AKAP13: variants seen among roughly 807,000 people sequenced by gnomAD.
AKAP13 encodes A-kinase anchor protein 13.
In AKAP13, 80 loss-of-function variants were observed where a neutral mutation model predicts 264.5. The ratio of observed to expected loss-of-function variants is 0.30; its 90% confidence interval spans 0.25 to 0.36. The LOEUF is 0.36. Ranked by LOEUF, AKAP13 falls within the 10% of genes least tolerant of loss-of-function variation. The probability of loss-of-function intolerance (pLI) is 1.00; values close to 1 mark genes in which losing one functional copy is unlikely to be tolerated. For missense variants in AKAP13, 3,712 were observed against 3,435.2 expected (o/e 1.08, Z -2.01); for synonymous variants, 1,380 against 1,250.2 (o/e 1.10, Z -2.19).
At chr15:85,458,386 G>GTTTTTTTTTTTTTTTTTTTTTTTTT (rs1160050565) in intron 1 of AKAP13, among the ~76,000 whole-genome samples, 3 of 103,930 alleles carry the variant, frequency 2.9e-5, no homozygotes, top group African/African-American at 1.5e-4. Flanking sequence ...TGTATTTTTT[G>GTTTTTTTTTTTTTTTTTTTTTTTTT]TTTTTTGTTT....
chr15:85,668,869 G>C (rs780398230), intron 13 of AKAP13, among the ~76,000 whole-genome samples: 22 of 151,022 alleles, frequency 1.5e-4, no homozygotes, highest in Non-Finnish European at 2.7e-4. Context: ...CTTGAACCTG[G>C]GAGGCAGAGG....
chr15:85,448,490 T>C (rs1438408202), intron 1 of AKAP13, among the ~76,000 whole-genome samples: 1 of 152,212 alleles, frequency 6.6e-6, no homozygotes, highest in Non-Finnish European at 1.5e-5. Flanking sequence ...AGGGTTTTTA[T>C]AGATTTGGGT....
intron 5 of AKAP13, among the ~76,000 whole-genome samples, chr15:85,546,636 G>C (rs1034110051): frequency 5.9e-5 from 9 of 152,120 alleles, no homozygotes; most frequent in African/African-American, 2.4e-5. Context: ...AAATTATAAA[G>C]GTTTATGCAC....
Position 85,580,850 on chromosome 15 carries a change from A to G in AKAP13, c.2782A>G (p.Lys928Glu). The G allele has an allele frequency of 6.2e-7, 1 of 1,614,154 alleles. No homozygotes were observed. The change falls in exon 7 of 37, where the codon AAG becomes GAG. Residue 928 changes from lysine (K) to glutamate (E), a missense_variant. Coordinates refer to ENST00000394518, the MANE Select transcript of AKAP13 (RefSeq NM_007200.5). ...AAGCTCTGCAGCTCAGGAACAAGAT[A>G]AGGATAAAGCGGTGACCTGTTCCTC... ...SESSAAQEQD[K>E]DKAVTCSSIK...
intron 2 of AKAP13, among the ~76,000 whole-genome samples, chr15:85,496,262 G>C (rs1284583671): frequency 6.6e-6 from 1 of 152,122 alleles, no homozygotes; most frequent in Non-Finnish European, 1.5e-5. Flanking sequence ...CTTGCATTTA[G>C]ATCTCGAGAA....
At chr15:85,532,259 G>C (rs958752546) in intron 3 of AKAP13, among the ~76,000 whole-genome samples, 1 of 152,216 alleles carries the variant, frequency 6.6e-6, no homozygotes, top group Non-Finnish European at 1.5e-5. Flanking sequence ...AAAGCATGTG[G>C]AAAATTAACT....
At chr15:85,421,697 C>G (rs1432684128) in intron 1 of AKAP13, among the ~76,000 whole-genome samples, 2 of 152,256 alleles carry the variant, frequency 1.3e-5, no homozygotes, top group Non-Finnish European at 2.9e-5. Context: ...AGCAAAGGCC[C>G]TTCCTCCTCT....
intron 1 of AKAP13, among the ~76,000 whole-genome samples, chr15:85,453,665 G>T (rs1196896601): frequency 6.6e-6 from 1 of 150,918 alleles, no homozygotes; most frequent in East Asian, 2.0e-4. Flanking sequence ...TGTGCTGGGG[G>T]TCCACTTCAG....
At chr15:85,442,365 G>C (rs1274934790) in intron 1 of AKAP13, among the ~76,000 whole-genome samples, 1 of 142,362 alleles carries the variant, frequency 7.0e-6, no homozygotes, top group East Asian at 2.0e-4. Flanking sequence ...AGCCGAGATC[G>C]TGCCACTGCA....
At chr15:85,411,780 G>A (rs1057168075) in intron 1 of AKAP13, among the ~76,000 whole-genome samples, 4 of 152,168 alleles carry the variant, frequency 2.6e-5, no homozygotes, top group African/African-American at 9.7e-5. Flanking sequence ...TATTTGAAGG[G>A]AGGACTTTGA....
chr15:85,460,498 T>C (rs1230568084), intron 1 of AKAP13, among the ~76,000 whole-genome samples: 1 of 152,230 alleles, frequency 6.6e-6, no homozygotes, highest in Non-Finnish European at 1.5e-5. Flanking sequence ...TATGATACTT[T>C]CTGTGGTAGA....
intron 1 of AKAP13, among the ~76,000 whole-genome samples, chr15:85,398,291 TAA>T (rs919542895): frequency 2.0e-4 from 30 of 152,326 alleles, no homozygotes; most frequent in Admixed American, 5.9e-4. Flanking sequence ...ACATTTTTAA[TAA>T]GTCTTATTTT....
chr15:85,404,210 A>G (rs779394007), intron 1 of AKAP13, among the ~76,000 whole-genome samples: 2 of 152,216 alleles, frequency 1.3e-5, no homozygotes, highest in African/African-American at 2.4e-5. Context: ...GGTCAATAGC[A>G]TAGTTAAGGG....
chr15:85,583,814 G>C (rs1217690020), intron 7 of AKAP13, among the ~76,000 whole-genome samples: 2 of 151,558 alleles, frequency 1.3e-5, no homozygotes, highest in Non-Finnish European at 3.0e-5. Flanking sequence ...GAGAAATGAC[G>C]GATGTTTAGG....
intron 17 of AKAP13, 75 bp downstream of exon 17, chr15:85,693,526 C>G: frequency 1.3e-6 from 2 of 1,575,532 alleles, no homozygotes; most frequent in East Asian, 4.6e-5. Flanking sequence ...GTTTCCTGTC[C>G]CCACTCATTA....
intron 16 of AKAP13, among the ~76,000 whole-genome samples, chr15:85,691,449 T>A (rs575524752): frequency 6.6e-6 from 1 of 152,308 alleles, no homozygotes; most frequent in African/African-American, 2.4e-5. Context: ...CACTCATCAG[T>A]AGTTCTTCAA....
At chr15:85,418,221 G>T (rs1046970961) in intron 1 of AKAP13, among the ~76,000 whole-genome samples, 1 of 151,748 alleles carries the variant, frequency 6.6e-6, no homozygotes, top group African/African-American at 2.4e-5. Context: ...GACTACAGGC[G>T]TGCGCCACCA....
At chr15:85,681,508 A>G (rs1597037803) in intron 14 of AKAP13, among the ~76,000 whole-genome samples, 1 of 152,066 alleles carries the variant, frequency 6.6e-6, no homozygotes, top group Non-Finnish European at 1.5e-5. Flanking sequence ...TTGTGGAAGG[A>G]AGAAGTACGC....
At chr15:85,573,340 C>G (rs1052065625) in intron 5 of AKAP13, among the ~76,000 whole-genome samples, 2 of 151,910 alleles carry the variant, frequency 1.3e-5, no homozygotes, top group South Asian at 2.1e-4. Flanking sequence ...GTCAGGAGTT[C>G]GAGATCAGCC....
Sources: allele counts gnomAD v4.1 joint callset (sites outside exome capture counted in the v4.1 genomes callset), GRCh38; gene constraint gnomAD v4.1.1; transcripts MANE v1.5; gene names NCBI Gene and HGNC (gene_info 2026-07-23, HGNC 2026-07-21).